EYS: variants seen among roughly 807,000 people sequenced by gnomAD.
The protein encoded by EYS is EGF-like photoreceptor maintenance factor, also known as protein eyes shut homolog.
A neutral mutation model predicts 282.1 loss-of-function variants in EYS; 250 were observed. That is an observed-to-expected ratio of 0.89 (90% CI 0.80 to 0.98). The LOEUF (loss-of-function observed/expected upper bound fraction) is 0.98. Ranked by LOEUF, EYS falls within the 50% of genes least tolerant of loss-of-function variation. The pLI is 0.00. For missense variants in EYS, 4,016 were observed against 3,709.0 expected, an observed-to-expected ratio of 1.08 and a Z score of -2.15; for synonymous variants, 1,355 against 1,282.9, an observed-to-expected ratio of 1.06 and a Z score of -1.20.
At chr6:63,907,177 T>C (rs1773798723) in intron 35 of EYS, among the ~76,000 whole-genome samples, 1 of 152,204 alleles carries the variant, frequency 6.6e-6, no homozygotes, top group Non-Finnish European at 1.5e-5. Context: ...TTACCTTTTC[T>C]TTCAGGCCTA....
At chr6:65,503,350 C>T (rs748848754) in intron 2 of EYS, among the ~76,000 whole-genome samples, 2 of 151,548 alleles carry the variant, frequency 1.3e-5, no homozygotes, top group Non-Finnish European at 3.0e-5. Context: ...AATCCTTTTA[C>T]ATTTGGATAA....
intron 36 of EYS, among the ~76,000 whole-genome samples, chr6:63,816,443 C>G (rs1203729622): frequency 6.6e-6 from 1 of 152,172 alleles, no homozygotes; most frequent in African/African-American, 2.4e-5. Context: ...TAAACTAACC[C>G]TGACCATCTT....
At chr6:64,522,073 A>AAG (rs1777760284) in intron 26 of EYS, among the ~76,000 whole-genome samples, 1 of 151,808 alleles carries the variant, frequency 6.6e-6, no homozygotes, top group Non-Finnish European at 1.5e-5. Context: ...TATCTAAAGG[A>AAG]AGACTTTAAG....
rs377319631 is a variant in EYS, at chr6:64,736,305, A to T, written c.3443+77073T>A. Among the ~76,000 whole-genome samples, 5 of 152,160 alleles carry T rather than the reference A, an allele frequency of 3.3e-5. No homozygotes were observed. The East Asian group carries it at 7.7e-4, about 23-fold the overall frequency. ...CATTACATATAAATAGAAATCATGT[A>T]GTTAAAAATAAAATTCTATTTTTGA... is the stretch of plus-strand genomic sequence containing the variant. On this transcript the variant is annotated intron_variant, in intron 22 of 42. Coordinates refer to ENST00000503581, the MANE Select transcript of EYS (RefSeq NM_001142800.2).
intron 12 of EYS, among the ~76,000 whole-genome samples, chr6:65,114,474 T>A (rs77884363): frequency 1.3e-4 from 19 of 143,226 alleles, no homozygotes; most frequent in Admixed American, 1.2e-3. Flanking sequence ...TTTTTTTTTT[T>A]AAATTTCTCC....
At chr6:65,698,103 T>C (rs1407260888) in intron 1 of EYS, among the ~76,000 whole-genome samples, 1 of 152,130 alleles carries the variant, frequency 6.6e-6, no homozygotes, top group Non-Finnish European at 1.5e-5. Context: ...GGAAGGAATG[T>C]ATTATTTCAA....
chr6:65,011,950 T>C (rs1030823645), intron 13 of EYS, among the ~76,000 whole-genome samples: 11 of 152,270 alleles, frequency 7.2e-5, no homozygotes, highest in African/African-American at 2.6e-4. Context: ...TTTCACTCTA[T>C]TAAATCTTGC....
At chr6:63,868,498 G>A (rs1286891340) in intron 35 of EYS, among the ~76,000 whole-genome samples, 5 of 152,106 alleles carry the variant, frequency 3.3e-5, no homozygotes, top group South Asian at 2.1e-4. Context: ...ATCATTAGCC[G>A]ATTTCAAAGT....
intron 22 of EYS, among the ~76,000 whole-genome samples, chr6:64,721,293 T>G (rs1159308467): frequency 6.6e-6 from 1 of 152,098 alleles, no homozygotes; most frequent in East Asian, 1.9e-4. Context: ...AAAGTGGGGC[T>G]AGGGGCAGGA....
chr6:65,660,039 A>G (rs925733191), intron 1 of EYS, among the ~76,000 whole-genome samples: 1 of 151,676 alleles, frequency 6.6e-6, no homozygotes, highest in Non-Finnish European at 1.5e-5. Context: ...CTGGCTGTAT[A>G]AATGACAGGG....
chr6:64,163,314 G>A (rs149202129), intron 31 of EYS, among the ~76,000 whole-genome samples: 188 of 151,792 alleles, frequency 1.2e-3, no homozygotes, highest in Middle Eastern at 3.4e-3. Flanking sequence ...CAATCATTTC[G>A]TTTAGGTTGA....
chr6:64,300,064 T>C (rs183403068), intron 30 of EYS, among the ~76,000 whole-genome samples: 352 of 152,300 alleles, frequency 2.3e-3, no homozygotes, highest in Non-Finnish European at 4.3e-3. Flanking sequence ...TGGGACCCTA[T>C]CTTAGGCAAG....
At chr6:65,357,668 T>A (rs1764542112) in intron 8 of EYS, among the ~76,000 whole-genome samples, 1 of 151,960 alleles carries the variant, frequency 6.6e-6, no homozygotes, top group South Asian at 2.1e-4. Context: ...TGAAAAAATA[T>A]TTATTATATA....
In EYS at chr6:65,578,549, A is replaced by G. The variant is rs116594157; in HGVS notation, c.-333+61229T>C. On this transcript the variant is annotated intron_variant, in intron 2 of 42. Transcript: ENST00000503581. Reference sequence around the variant, plus strand: ...TACATCATGGTGACCACAGTAAATAACAATATATTGTATACTTAAAAATTG... The same window carrying G: ...TACATCATGGTGACCACAGTAAATAGCAATATATTGTATACTTAAAAATTG... Among the ~76,000 whole-genome samples the G allele has an allele frequency of 4.5e-3, 691 of 151,970 alleles. 5 individuals are homozygous for G. The highest frequency in any genetic ancestry group is 0.016 in the African/African-American group (666 of 41,514).
chr6:65,083,874 T>C (rs899855169), intron 12 of EYS, among the ~76,000 whole-genome samples: 8 of 151,956 alleles, frequency 5.3e-5, no homozygotes, highest in African/African-American at 1.9e-4. Context: ...GATAATTTTA[T>C]AATTTGCCAA....
chr6:65,295,811 T>C, intron 12 of EYS, 52 bp downstream of exon 12: 1 of 1,370,276 alleles, frequency 7.3e-7, no homozygotes, highest in Non-Finnish European at 1.0e-6. Context: ...ATAAATATAT[T>C]AACAACATTA....
At chr6:64,066,252 T>A in intron 33 of EYS, 86 bp downstream of exon 33, 1 of 1,208,558 alleles carries the variant, frequency 8.3e-7, no homozygotes, top group Non-Finnish European at 1.2e-6. Flanking sequence ...CGCTCCAGAC[T>A]GGGTGACAGA....
At chr6:65,491,312 T>C in intron 4 of EYS, 2 of 248,772 alleles carry the variant, frequency 8.0e-6, no homozygotes, top group Non-Finnish European at 7.9e-6. Context: ...CACACAGCCT[T>C]CCATAACATA....
chr6:64,015,545 A>G (rs1768851243), intron 33 of EYS, among the ~76,000 whole-genome samples: 1 of 152,240 alleles, frequency 6.6e-6, no homozygotes, highest in Non-Finnish European at 1.5e-5. Context: ...AATAAAGGAT[A>G]AAAGAAATTA....
Sources: gnomAD v4.1 joint callset for allele counts (sites outside exome capture counted in the v4.1 genomes callset) on GRCh38, gnomAD v4.1.1 for gene constraint, MANE v1.5 for transcripts, NCBI Gene and HGNC (gene_info 2026-07-23, HGNC 2026-07-21) for gene names.